The following CNBD1 variants were observed in gnomAD, a reference collection of about 807,000 sequenced individuals.
CNBD1 encodes cyclic nucleotide binding domain containing 1.
Under a neutral mutation model 54.4 loss-of-function variants are expected in CNBD1, and 71 were observed. The observed-to-expected ratio is 1.30, with a 90% CI of 1.08 to 1.59. The LOEUF (loss-of-function observed/expected upper bound fraction) is 1.59, where lower values mean the gene tolerates loss of function less well. Ranked by LOEUF, CNBD1 falls within the 40% of genes most tolerant of loss-of-function variation. The pLI is 0.00. For missense variants in CNBD1, 659 were observed against 518.0 expected (o/e 1.27, Z -2.64); for synonymous variants, 182 against 170.7 (o/e 1.07, Z -0.51).
chr8:87,347,883 A>G (rs961671179), intron 8 of CNBD1, among the ~76,000 whole-genome samples: 1 of 152,182 alleles, frequency 6.6e-6, no homozygotes, highest in African/African-American at 2.4e-5. Flanking sequence ...GTGAGTAACC[A>G]TATTCTGATA....
intron 4 of CNBD1, among the ~76,000 whole-genome samples, chr8:86,989,863 A>T (rs1461117041): frequency 6.6e-6 from 1 of 152,072 alleles, no homozygotes; most frequent in Non-Finnish European, 1.5e-5. Flanking sequence ...AGCATTTATT[A>T]TTGCCTCTCC....
At chr8:87,046,944 A>C (rs976890988) in intron 4 of CNBD1, among the ~76,000 whole-genome samples, 1 of 152,074 alleles carries the variant, frequency 6.6e-6, no homozygotes, top group Non-Finnish European at 1.5e-5. Flanking sequence ...ACCGTGTGTT[A>C]TTTGCTATTC....
chr8:87,285,173 TA>T lies in CNBD1; in HGVS notation c.909+360del, dbSNP rs976984216. On this transcript the variant is annotated intron_variant, in intron 7 of 10. Coordinates refer to ENST00000518476, the MANE Select transcript of CNBD1 (RefSeq NM_173538.3). ...AAGAATACTAGAATAATAAGACAGA[TA>T]ATAGTACTGCTGCTTTCCCAGTCTC... Among the ~76,000 whole-genome samples, 20 of 151,662 alleles carry T rather than the reference TA, an allele frequency of 1.3e-4. 1 individual carries two copies. Among genetic ancestry groups the T allele is most frequent in the African/African-American group, 4.8e-4 (20 of 41,534 alleles).
intron 4 of CNBD1, among the ~76,000 whole-genome samples, chr8:87,190,863 CTAAATAGATATAGA>C (rs1813587673): frequency 6.9e-6 from 1 of 144,566 alleles, no homozygotes; most frequent in African/African-American, 2.7e-5. Context: ...GTACCTATAT[CTAAATAGATATAGA>C]TACATGTACG....
intron 8 of CNBD1, among the ~76,000 whole-genome samples, chr8:87,338,678 G>A (rs952790743): frequency 1.3e-5 from 2 of 150,372 alleles, no homozygotes; most frequent in African/African-American, 4.9e-5. Context: ...TTATTTGGTA[G>A]GTTGGGTTTT....
intron 6 of CNBD1, among the ~76,000 whole-genome samples, chr8:87,239,597 A>G (rs541679785): frequency 6.6e-6 from 1 of 152,304 alleles, no homozygotes; most frequent in Non-Finnish European, 1.5e-5. Flanking sequence ...TTCACTCTTC[A>G]ATTTCACCCT....
rs12682399 is a variant in CNBD1, at chr8:87,156,670, C to A, written c.432-49323C>A. 1.6e-3 allele frequency among the ~76,000 whole-genome samples: 251 copies of A among 152,154 alleles called. 7 individuals are homozygous for A. The East Asian group carries it at 0.045, about 27-fold the overall frequency. On this transcript the variant is annotated intron_variant, in intron 4 of 10. Transcript: ENST00000518476. ...CGTATATTCAGAGAGTTTTGCTATG[C>A]AATGCTCTTTGACAAATTTAACTTT...
At chr8:87,263,277 A>G (rs1374234097) in intron 6 of CNBD1, among the ~76,000 whole-genome samples, 1 of 152,194 alleles carries the variant, frequency 6.6e-6, no homozygotes, top group Non-Finnish European at 1.5e-5. Context: ...ATATTTGTAT[A>G]TAATAATACT....
chr8:87,293,026 A>G (rs1200368092), intron 8 of CNBD1, among the ~76,000 whole-genome samples: 1 of 152,174 alleles, frequency 6.6e-6, no homozygotes, highest in African/African-American at 2.4e-5. Flanking sequence ...TTAGATCGCA[A>G]GAGTCTGCTG....
intron 10 of CNBD1, among the ~76,000 whole-genome samples, chr8:87,363,140 G>C (rs762283563): frequency 6.6e-6 from 1 of 152,238 alleles, no homozygotes; most frequent in South Asian, 2.1e-4. Context: ...TGCTGAAAAT[G>C]ATGGTTTCCA....
At chr8:86,975,734 G>A (rs981629299) in intron 4 of CNBD1, among the ~76,000 whole-genome samples, 2 of 151,884 alleles carry the variant, frequency 1.3e-5, no homozygotes, top group Non-Finnish European at 2.9e-5. Flanking sequence ...CATTCCGTTG[G>A]AGATATACTC....
At chr8:86,902,371 C>T (rs1039950584) in intron 2 of CNBD1, among the ~76,000 whole-genome samples, 1 of 151,998 alleles carries the variant, frequency 6.6e-6, no homozygotes, top group Non-Finnish European at 1.5e-5. Flanking sequence ...GAGTACAGAT[C>T]TCTGACTTCT....
intron 5 of CNBD1, among the ~76,000 whole-genome samples, chr8:87,233,924 C>A (rs140524652): frequency 2.3e-3 from 347 of 152,264 alleles, no homozygotes; most frequent in Non-Finnish European, 3.9e-3. Flanking sequence ...TCAAACCCTG[C>A]CAACTGCTTT....
chr8:87,255,563 TA>T (rs1376039236), intron 6 of CNBD1, among the ~76,000 whole-genome samples: 2 of 152,108 alleles, frequency 1.3e-5, no homozygotes, highest in African/African-American at 2.4e-5. Context: ...ATCAGGTTTT[TA>T]AAAAAATACT....
At chr8:86,984,852 ACT>A (rs1427972517) in intron 4 of CNBD1, among the ~76,000 whole-genome samples, 4 of 152,114 alleles carry the variant, frequency 2.6e-5, no homozygotes, top group African/African-American at 9.7e-5. Context: ...GAGACTTTAG[ACT>A]GTGAACTTTT....
At chr8:87,189,960 A>G (rs561646488) in intron 4 of CNBD1, among the ~76,000 whole-genome samples, 1 of 152,326 alleles carries the variant, frequency 6.6e-6, no homozygotes, top group East Asian at 1.9e-4. Context: ...ACATGCAGGA[A>G]AAAGGGATAC....
At chr8:87,195,349 C>T (rs1435429132) in intron 4 of CNBD1, among the ~76,000 whole-genome samples, 2 of 151,360 alleles carry the variant, frequency 1.3e-5, no homozygotes, top group Non-Finnish European at 2.9e-5. Flanking sequence ...CTGCCTCAGC[C>T]TCCCAAATAA....
At chr8:86,970,659 C>T (rs1808199062) in intron 4 of CNBD1, among the ~76,000 whole-genome samples, 1 of 151,768 alleles carries the variant, frequency 6.6e-6, no homozygotes, top group Non-Finnish European at 1.5e-5. Context: ...CTTTAAGTTC[C>T]TATGTATGTA....
chr8:87,360,135 G>A (rs1226420279), intron 10 of CNBD1, among the ~76,000 whole-genome samples: 1 of 151,984 alleles, frequency 6.6e-6, no homozygotes, highest in Non-Finnish European at 1.5e-5. Flanking sequence ...TACCCAAAGA[G>A]AGCAATTCAC....
Sources: allele counts gnomAD v4.1 joint callset (sites outside exome capture counted in the v4.1 genomes callset), GRCh38; gene constraint gnomAD v4.1.1; transcripts MANE v1.5; gene names NCBI Gene and HGNC (gene_info 2026-07-23, HGNC 2026-07-21).